CELF4: variants seen among roughly 807,000 people sequenced by gnomAD.
CELF4 encodes the protein CUGBP Elav-like family member 4, also known as CUG-BP- and ETR-3-like factor 4.
In CELF4, 18 loss-of-function variants were observed where a neutral mutation model predicts 59.9. The ratio of observed to expected loss-of-function variants is 0.30; its 90% CI spans 0.21 to 0.45. CELF4 has a LOEUF of 0.45. CELF4 is among the 20% of genes least tolerant of loss of function. CELF4 has a pLI of 1.00. For missense variants in CELF4, 456 were observed against 689.0 expected (o/e 0.66, Z 3.79); for synonymous variants, 261 against 267.1 (o/e 0.98, Z 0.22).
At chr18:37,490,091 AC>A (rs2154603408) in intron 1 of CELF4, among the ~76,000 whole-genome samples, 1 of 152,354 alleles carries the variant, frequency 6.6e-6, no homozygotes, top group East Asian at 1.9e-4. Flanking sequence ...AGATGAAAAG[AC>A]CCTCAATGTA....
intron 2 of CELF4, among the ~76,000 whole-genome samples, chr18:37,483,021 G>A (rs1295167898): frequency 6.6e-6 from 1 of 152,096 alleles, no homozygotes; most frequent in African/African-American, 2.4e-5. Context: ...GGCACCTAGT[G>A]TGGTCACCCC....
intron 3 of CELF4, among the ~76,000 whole-genome samples, chr18:37,297,804 G>C (rs1484882779): frequency 3.9e-5 from 6 of 152,232 alleles, no homozygotes; most frequent in Non-Finnish European, 2.9e-5. Context: ...AGTTGTCTGT[G>C]CCTGGCTTCT....
At chr18:37,380,341 G>A (rs1023351069) in intron 2 of CELF4, among the ~76,000 whole-genome samples, 1 of 152,078 alleles carries the variant, frequency 6.6e-6, no homozygotes, top group Non-Finnish European at 1.5e-5. Context: ...CAGGTTGAAG[G>A]TCTATGTTCA....
chr18:37,489,429 G>T (rs2099892571), intron 1 of CELF4, among the ~76,000 whole-genome samples: 2 of 152,264 alleles, frequency 1.3e-5, no homozygotes, highest in African/African-American at 4.8e-5. Context: ...GGCCGGGGAA[G>T]AAAGGGTGCC....
intron 1 of CELF4, among the ~76,000 whole-genome samples, chr18:37,555,317 C>T (rs1301868107): frequency 6.6e-6 from 1 of 152,152 alleles, no homozygotes; most frequent in East Asian, 1.9e-4. Flanking sequence ...TCCTTCTTTT[C>T]CTGTTCAGAG....
intron 3 of CELF4, among the ~76,000 whole-genome samples, chr18:37,281,331 A>T (rs1215325919): frequency 6.6e-6 from 1 of 152,222 alleles, no homozygotes; most frequent in East Asian, 1.9e-4. Flanking sequence ...TAATTTTCAC[A>T]ATTTGATTCA....
intron 2 of CELF4, among the ~76,000 whole-genome samples, chr18:37,412,875 G>T (rs941177076): frequency 6.6e-6 from 1 of 152,144 alleles, no homozygotes. Context: ...TGTGTGTGAG[G>T]TTCTCAGTTG....
At position 37,274,754 on chromosome 18, in the gene CELF4, G is replaced by T. The variant is rs928102767; in HGVS notation, c.657+51C>A. 9.8e-6 allele frequency: 15 copies of T among 1,523,454 alleles called. No homozygotes were observed. The African/African-American group carries it at 1.5e-4, about 15-fold the overall frequency. 94.4% of individuals were successfully genotyped at this position (1,523,454 alleles called of 1,614,324 possible). On this transcript the variant is annotated intron_variant, in intron 5 of 12. Coordinates refer to ENST00000420428, the MANE Select transcript of CELF4 (RefSeq NM_020180.4). ...GCCGGCGGGGCGTGGCGGGTGCTGGGGTCTCGGCCCGCCGCTGCCCTCGCC... is the reference window on the plus strand; with the variant it reads ...GCCGGCGGGGCGTGGCGGGTGCTGGTGTCTCGGCCCGCCGCTGCCCTCGCC...
At chr18:37,393,856 CT>C (rs397959278) in intron 2 of CELF4, among the ~76,000 whole-genome samples, 4,747 of 130,996 alleles carry the variant, frequency 0.036, 236 homozygotes, top group African/African-American at 0.11. Flanking sequence ...CTTTACGCGG[CT>C]TTTTTTTTTT....
intron 1 of CELF4, among the ~76,000 whole-genome samples, chr18:37,498,776 C>A (rs2099928142): frequency 6.6e-6 from 1 of 152,026 alleles, no homozygotes. Context: ...GAGGGTTGCA[C>A]CTGGCCTGGG....
At chr18:37,274,567 C>G (rs778574858) in intron 5 of CELF4, 113 bp from the exon 6 acceptor site, 2 of 1,584,108 alleles carry the variant, frequency 1.3e-6, no homozygotes, top group African/African-American at 2.7e-5. Flanking sequence ...TTGGAGGAGG[C>G]GGCATCGGCG....
chr18:37,498,888 C>T lies in CELF4; in HGVS notation c.287-13281G>A, dbSNP rs2154603809. Among the ~76,000 whole-genome samples, 3 of 152,258 alleles carry T rather than the reference C, an allele frequency of 2.0e-5. No homozygotes were observed. The South Asian group carries it at 6.2e-4, about 32-fold the overall frequency. On this transcript the variant is annotated intron_variant, in intron 1 of 12. Transcript: ENST00000420428. ...AGAATCTGTGAAATGGGGATAATGACACTCACCTGCTGGGGTCCTGAGTGC... is the reference window on the plus strand; with the variant it reads ...AGAATCTGTGAAATGGGGATAATGATACTCACCTGCTGGGGTCCTGAGTGC...
intron 2 of CELF4, among the ~76,000 whole-genome samples, chr18:37,325,366 G>A (rs867207867): frequency 3.3e-5 from 5 of 152,182 alleles, no homozygotes; most frequent in East Asian, 1.9e-4. Flanking sequence ...TGAGTCCTGC[G>A]GATTCGCCTG....
intron 1 of CELF4, among the ~76,000 whole-genome samples, chr18:37,549,872 C>T (rs76244998): frequency 0.028 from 4,201 of 151,966 alleles, 216 homozygotes; most frequent in African/African-American, 0.096. Flanking sequence ...GATAGTATGT[C>T]CTGTGATCCA....
rs148311208 is a variant in CELF4, at chr18:37,376,869, A to T, written c.370-54988T>A. Among the ~76,000 whole-genome samples, 386 of 152,298 alleles carry T rather than the reference A, an allele frequency of 2.5e-3. 1 individual carries two copies. Among genetic ancestry groups the T allele is most frequent in the African/African-American group, 9.1e-3 (377 of 41,564 alleles). The stretch of plus-strand genomic sequence containing the variant: ...TGCTCTGTTAGAGAAGCTCTGCTCA[A>T]TTTGAAAGCAGAGCAGAGGAGAGCC... On this transcript the variant is annotated intron_variant, in intron 2 of 12. Transcript: ENST00000420428.
At chr18:37,460,655 C>CTAA (rs2099790976) in intron 2 of CELF4, among the ~76,000 whole-genome samples, 1 of 152,226 alleles carries the variant, frequency 6.6e-6, no homozygotes, top group African/African-American at 2.4e-5. Context: ...ATTCAGAGTG[C>CTAA]TAATGGCATA....
chr18:37,322,988 C>T (rs1032015758), intron 2 of CELF4, among the ~76,000 whole-genome samples: 15 of 152,102 alleles, frequency 9.9e-5, no homozygotes, highest in African/African-American at 3.6e-4. Context: ...GCATGTCTGT[C>T]CTGCGCTTTG....
At chr18:37,485,156 A>C (rs1187327053) in intron 2 of CELF4, among the ~76,000 whole-genome samples, 1 of 151,152 alleles carries the variant, frequency 6.6e-6, no homozygotes, top group African/African-American at 2.4e-5. Context: ...GCCCCCTCCC[A>C]CGCCGGCCCC....
At chr18:37,463,632 C>T (rs969688037) in intron 2 of CELF4, among the ~76,000 whole-genome samples, 8 of 152,102 alleles carry the variant, frequency 5.3e-5, no homozygotes, top group Non-Finnish European at 1.2e-4. Context: ...TGCCAGCCCT[C>T]CAGGACTGCA....
Sources: allele counts gnomAD v4.1 joint callset (sites outside exome capture counted in the v4.1 genomes callset), GRCh38; gene constraint gnomAD v4.1.1; transcripts MANE v1.5; gene names NCBI Gene and HGNC (gene_info 2026-07-23, HGNC 2026-07-21).